Variants in BBS2 observed in about 807,000 individuals in gnomAD.
BBS2 encodes Bardet-Biedl syndrome 2.
A neutral mutation model predicts 83.0 loss-of-function variants in BBS2; 62 were observed. The ratio of observed to expected loss-of-function variants is 0.75; its 90% CI spans 0.61 to 0.92. The LOEUF (loss-of-function observed/expected upper bound fraction) is 0.92. Among genes scored for constraint, BBS2 ranks in the 40% least tolerant of loss-of-function variants. The probability of loss-of-function intolerance (pLI) is 0.00; values close to 1 mark genes in which losing one functional copy is unlikely to be tolerated. For missense variants in BBS2, 784 were observed against 901.0 expected (o/e 0.87, Z 1.66); for synonymous variants, 303 against 326.1 (o/e 0.93, Z 0.76).
rs1200784529 is a variant in BBS2 at position 56,519,852 on chromosome 16, G to A, written c.11C>T (p.Pro4Leu). 1.2e-6 allele frequency: 2 copies of A among 1,613,692 alleles called. No homozygotes were observed. Among genetic ancestry groups the A allele is most frequent in the Non-Finnish European group, 1.7e-6 (2 of 1,179,670 alleles). Residue 4 changes from proline (P) to leucine (L), a missense_variant, in exon 1 of 17, where the codon CCT becomes CTT. Transcript: ENST00000245157. Reference sequence around the variant, plus strand: ...GTGGCGCAGTTTCAGGGTGAACACAGGCAGCAGCATGATGGCGGCGGCTTA... The same window carrying A: ...GTGGCGCAGTTTCAGGGTGAACACAAGCAGCAGCATGATGGCGGCGGCTTA... The part of the protein sequence containing the change: MLL[P>L]VFTLKLRHKI...
chr16:56,487,642 A>T (rs1414136889), intron 15 of BBS2, among the ~76,000 whole-genome samples: 2 of 152,214 alleles, frequency 1.3e-5, no homozygotes, highest in Admixed American at 6.5e-5. Context: ...GTTCTTAGCT[A>T]GCAAGACCAA....
chr16:56,497,934 A>C (rs1567572652), intron 13 of BBS2, 54 bp from the exon 14 acceptor site: 2 of 1,573,910 alleles, frequency 1.3e-6, no homozygotes, highest in African/African-American at 2.7e-5. Context: ...AGACAAACTT[A>C]GCTAAAATAG....
intron 12 of BBS2, 111 bp from the exon 13 acceptor site, chr16:56,498,679 T>C (rs1373846241): frequency 6.3e-7 from 1 of 1,580,848 alleles, no homozygotes. Context: ...AGAGTTCTCC[T>C]TCTTTCTAGT....
chr16:56,500,604 GA>G, intron 11 of BBS2: 1 of 431,706 alleles, frequency 2.3e-6, no homozygotes, highest in Non-Finnish European at 4.1e-6. Context: ...CAGCCTGGGT[GA>G]CAAAGCTAGA....
chr16:56,488,789 A>G (rs1369046791), intron 15 of BBS2, among the ~76,000 whole-genome samples: 1 of 151,700 alleles, frequency 6.6e-6, no homozygotes, highest in East Asian at 1.9e-4. Context: ...CGTTCTGGTG[A>G]CTGACCCCTA....
intron 1 of BBS2, among the ~76,000 whole-genome samples, chr16:56,517,610 T>C (rs895835763): frequency 2.0e-5 from 3 of 152,226 alleles, no homozygotes; most frequent in Non-Finnish European, 4.4e-5. Flanking sequence ...AACTACCTGG[T>C]TCCCCCTCTC....
At chr16:56,496,286 T>C (rs1964114672) in intron 15 of BBS2, among the ~76,000 whole-genome samples, 1 of 152,212 alleles carries the variant, frequency 6.6e-6, no homozygotes. Flanking sequence ...TTTTTTATTG[T>C]AAAATGTTAC....
At chr16:56,500,725 CTT>C in intron 11 of BBS2, 127 bp downstream of exon 11, 2 of 908,704 alleles carry the variant, frequency 2.2e-6, no homozygotes, top group Non-Finnish European at 3.4e-6. Context: ...TCATGAGAAA[CTT>C]TGGGTAGACA....
chr16:56,497,181 T>C lies in BBS2; in HGVS notation c.1798-102A>G, dbSNP rs1964138811. 1.1e-5 allele frequency: 9 copies of C among 826,574 alleles called. No individual in the cohort carries two copies. In the Admixed American group the frequency reaches 1.2e-4, roughly 11 times the overall value. 51.2% of individuals were successfully genotyped at this position (826,574 alleles called of 1,614,324 possible). Reference sequence around the variant, plus strand: ...TACCAGATACAGAGACCCCCTTCTTTCCCCTGTTCGCTTATACCAATTAAG... The same window carrying C: ...TACCAGATACAGAGACCCCCTTCTTCCCCCTGTTCGCTTATACCAATTAAG... On this transcript the variant is annotated intron_variant, in intron 14 of 16. Transcript: ENST00000245157.
At position 56,509,966 on chromosome 16, in the gene BBS2, T is replaced by G. The variant is rs768647514; in HGVS notation, c.603A>C (p.Thr201=). Residue 201 remains threonine (T), a synonymous_variant, in exon 5 of 17, where the codon ACA becomes ACC. Transcript: ENST00000245157. ...FKEDEIVAEM[T]ETEIVTSLCP... ...AGGTGGAGCTTCTTACCTCTGTTTC[T>G]GTCATTTCTGCCACAATCTCATCTT... 3.7e-6 allele frequency: 6 copies of G among 1,613,994 alleles called. No homozygotes were observed. The highest frequency in any genetic ancestry group is 5.1e-6 in the Non-Finnish European group (6 of 1,179,982).
At chr16:56,483,668 A>G (rs2144089873), downstream of BBS2, among the ~76,000 whole-genome samples, 1 of 152,106 alleles carries the variant, frequency 6.6e-6, no homozygotes, top group South Asian at 2.1e-4. Context: ...CCCATCTTTC[A>G]GTGATTAAAA....
At chr16:56,509,616 A>G in intron 5 of BBS2, 1 of 258,800 alleles carries the variant, frequency 3.9e-6, no homozygotes, top group South Asian at 5.2e-5. Flanking sequence ...GTTACTTCAT[A>G]TAAAGTACTT....
chr16:56,503,314 A>G (rs1396679151), intron 7 of BBS2, among the ~76,000 whole-genome samples: 3 of 152,184 alleles, frequency 2.0e-5, no homozygotes, highest in African/African-American at 7.2e-5. Context: ...ACATATATCA[A>G]CAGGGCCTGA....
intron 12 of BBS2, chr16:56,499,141 C>T (rs1964194058): frequency 5.3e-6 from 1 of 188,042 alleles, no homozygotes; most frequent in Non-Finnish European, 1.1e-5. Flanking sequence ...GAAGGGCCCA[C>T]CTATAGAGTC....
intron 17 of BBS2, chr16:56,476,776 T>C (rs1306137036): frequency 6.6e-6 from 1 of 152,320 alleles, no homozygotes; most frequent in Non-Finnish European, 1.5e-5. Context: ...TGGTTTCACT[T>C]AGCATAAAGT....
chr16:56,501,915 A>G, intron 9 of BBS2: 1 of 355,850 alleles, frequency 2.8e-6, no homozygotes, highest in Non-Finnish European at 5.3e-6. Context: ...GTTTTTGAAA[A>G]AGATAAAAGA....
Position 56,517,781 on chromosome 16 carries a change from A to G in BBS2, c.117+1965T>C, listed in dbSNP as rs541329646. Among the ~76,000 whole-genome samples, 36 of 151,586 alleles carry G rather than the reference A, an allele frequency of 2.4e-4. 1 individual carries two copies. The highest frequency in any genetic ancestry group is 8.5e-4 in the African/African-American group (35 of 41,332). On this transcript the variant is annotated intron_variant, in intron 1 of 16. Coordinates refer to ENST00000245157, the MANE Select transcript of BBS2 (RefSeq NM_031885.5). ...ATTTATAAATCTGCTATGCACCTACAGCACAAGCAACATGAAGTTCTTTTT... is the reference window on the plus strand; with the variant it reads ...ATTTATAAATCTGCTATGCACCTACGGCACAAGCAACATGAAGTTCTTTTT...
chr16:56,485,557 G>A (rs1963751790), intron 16 of BBS2, 33 bp downstream of exon 16: 2 of 1,612,472 alleles, frequency 1.2e-6, no homozygotes, highest in African/African-American at 1.3e-5. Context: ...AAACATTACA[G>A]ATCAAAGTGC....
intron 17 of BBS2, chr16:56,478,191 C>G (rs1963559884): frequency 2.0e-5 from 3 of 152,088 alleles, no homozygotes; most frequent in South Asian, 4.1e-4. Flanking sequence ...TGGAGTCTCA[C>G]TCTGTGGCCC....
Sources: allele counts gnomAD v4.1 joint callset (sites outside exome capture counted in the v4.1 genomes callset), GRCh38; gene constraint gnomAD v4.1.1; transcripts MANE v1.5; gene names NCBI Gene and HGNC (gene_info 2026-07-23, HGNC 2026-07-21).